FREM1: variants seen among roughly 807,000 people sequenced by gnomAD.
FREM1 encodes the protein FRAS1-related extracellular matrix protein 1.
Under a neutral mutation model 210.1 loss-of-function variants are expected in FREM1, and 220 were observed. That is an observed-to-expected ratio of 1.05 (90% CI 0.94 to 1.17). FREM1 has a LOEUF of 1.17. FREM1 is among the 50% of genes most tolerant of loss of function. The pLI is 0.00. For missense variants in FREM1, 3,454 were observed against 2,675.5 expected, an observed-to-expected ratio of 1.29 and a Z score of -6.42; for synonymous variants, 1,189 against 980.2, an observed-to-expected ratio of 1.21 and a Z score of -3.98.
chr9:14,817,304 G>A (rs10961728), intron 14 of FREM1, among the ~76,000 whole-genome samples: 31,557 of 152,054 alleles, frequency 0.21, 3,604 homozygotes, highest in Middle Eastern at 0.29. Context: ...TAATCCTTCC[G>A]CCTGTGCTCT....
Position 14,759,828 on chromosome 9 carries a change from G to A in FREM1, c.5278C>T (p.Pro1760Ser). ...YEVCENVGLL[P>S]LEIIRRGYSM... ...TATCCCCTTCTGATAATTTCCAAGG[G>A]CAACAAACCCACATTCTCACAGACT... The change falls in exon 28 of 37, where the codon CCC becomes TCC. Residue 1760 changes from proline to serine, a missense_variant. By Grantham distance (74) the Pro-to-Ser change is moderately conservative. Coordinates refer to ENST00000380880, the MANE Select transcript of FREM1 (RefSeq NM_001379081.2). 2 of 1,612,458 alleles carry A rather than the reference G, an allele frequency of 1.2e-6. No individual in the cohort carries two copies.
At chr9:14,752,006 T>C (rs1362407785) in intron 29 of FREM1, among the ~76,000 whole-genome samples, 2 of 150,252 alleles carry the variant, frequency 1.3e-5, no homozygotes, top group East Asian at 1.9e-4. Context: ...GCATCTAGTA[T>C]GTATAATAAT....
At chr9:14,835,416 A>G (rs983918156) in intron 10 of FREM1, among the ~76,000 whole-genome samples, 1 of 152,210 alleles carries the variant, frequency 6.6e-6, no homozygotes, top group Admixed American at 6.5e-5. Flanking sequence ...CAGTTGGAAA[A>G]CTGGTTATTT....
chr9:14,878,955 A>G (rs950715306), intron 1 of FREM1, among the ~76,000 whole-genome samples: 4 of 152,164 alleles, frequency 2.6e-5, no homozygotes, highest in Non-Finnish European at 5.9e-5. Context: ...CAGGAGTTCG[A>G]GAACAGCCTG....
chr9:14,884,425 T>A (rs7037987), intron 1 of FREM1, among the ~76,000 whole-genome samples: 5,422 of 152,202 alleles, frequency 0.036, 329 homozygotes, highest in African/African-American at 0.12. Context: ...AGTATATCTG[T>A]ATAAGCCAAT....
chr9:14,843,364 T>G (rs1036586087), intron 8 of FREM1, among the ~76,000 whole-genome samples: 1 of 152,206 alleles, frequency 6.6e-6, no homozygotes, highest in African/African-American at 2.4e-5. Flanking sequence ...TCAGCTTCCC[T>G]GGTTCTCGGG....
chr9:14,742,330 C>T lies in FREM1; in HGVS notation c.6255-2096G>A, dbSNP rs531794536. On this transcript the variant is annotated intron_variant, in intron 35 of 36. Transcript: ENST00000380880. ...CCAGCAGGGGTTCCAGACACTCCTG[C>T]GGGAAAACAAAATGGCTTCATAGAT... is the stretch of plus-strand genomic sequence containing the variant. Among the ~76,000 whole-genome samples, 289 of 152,044 alleles carry T rather than the reference C, an allele frequency of 1.9e-3. 1 individual carries two copies. The highest frequency in any genetic ancestry group is 3.1e-3 in the Non-Finnish European group (212 of 67,962).
intron 24 of FREM1, among the ~76,000 whole-genome samples, chr9:14,780,508 C>G (rs934554668): frequency 6.7e-6 from 1 of 149,878 alleles, no homozygotes; most frequent in African/African-American, 2.4e-5. Flanking sequence ...ACCCGGCTGC[C>G]AGCAGCTGAA....
intron 2 of FREM1, among the ~76,000 whole-genome samples, chr9:14,865,960 T>C (rs910489265): frequency 9.9e-5 from 15 of 152,210 alleles, no homozygotes; most frequent in Admixed American, 3.9e-4. Context: ...AAACTCCATA[T>C]TTTAATGAAC....
intron 2 of FREM1, among the ~76,000 whole-genome samples, chr9:14,864,527 A>T (rs1292517713): frequency 1.3e-5 from 2 of 152,256 alleles, no homozygotes; most frequent in Non-Finnish European, 2.9e-5. Context: ...GCAGATGAGA[A>T]AAACAGAAAT....
Position 14,750,127 on chromosome 9 carries a change from C to A in FREM1, c.5557G>T (p.Gly1853Ter), listed in dbSNP as rs779919905. 2 of 1,613,588 alleles carry A rather than the reference C, an allele frequency of 1.2e-6. No individual in the cohort carries two copies. Among genetic ancestry groups the A allele is most frequent in the South Asian group, 1.1e-5 (1 of 90,980 alleles). The change falls in exon 30 of 37, where the codon GGA becomes TGA. Residue 1853 changes from glycine to a stop codon, truncating the protein, a stop_gained and splice_region_variant. Coordinates refer to ENST00000380880, the MANE Select transcript of FREM1 (RefSeq NM_001379081.2). LOFTEE classifies it high-confidence loss of function. ...AAVKILDSKG[G>*]QCHPSYSSNQ... ...TTCAAGATGAGGATCAAAAGAATAC[C>A]TCCTTTTGAGTCCAAAATTTTCACT...
intron 10 of FREM1, among the ~76,000 whole-genome samples, chr9:14,826,701 A>T (rs1318547585): frequency 6.6e-6 from 1 of 152,200 alleles, no homozygotes; most frequent in Non-Finnish European, 1.5e-5. Flanking sequence ...TGATTGGACC[A>T]TGAGGTTGAA....
chr9:14,851,194 G>A (rs1827674844), intron 6 of FREM1, 90 bp downstream of exon 6: 1 of 919,242 alleles, frequency 1.1e-6, no homozygotes, highest in African/African-American at 1.7e-5. Context: ...GGCAATGAAT[G>A]TACAAAGGAA....
chr9:14,822,964 T>C (rs1230104304), intron 13 of FREM1, among the ~76,000 whole-genome samples, 196 bp downstream of exon 13: 20 of 152,214 alleles, frequency 1.3e-4, no homozygotes, highest in Admixed American at 1.3e-3. Context: ...TCTCACCTTT[T>C]ACATAGAAAG....
At chr9:14,744,604 T>A (rs1345177804) in intron 35 of FREM1, among the ~76,000 whole-genome samples, 3 of 152,184 alleles carry the variant, frequency 2.0e-5, no homozygotes, top group Non-Finnish European at 4.4e-5. Flanking sequence ...TTATCAAAAA[T>A]TTATTCTCTT....
At chr9:14,844,117 T>C (rs980720757) in intron 8 of FREM1, among the ~76,000 whole-genome samples, 1 of 152,178 alleles carries the variant, frequency 6.6e-6, no homozygotes, top group East Asian at 1.9e-4. Flanking sequence ...CTATTTTGTG[T>C]CTCCTCTGAA....
At chr9:14,871,102 C>T (rs1832588820) in intron 1 of FREM1, among the ~76,000 whole-genome samples, 1 of 152,088 alleles carries the variant, frequency 6.6e-6, no homozygotes, top group Non-Finnish European at 1.5e-5. Flanking sequence ...GTGAATGGAG[C>T]TGCAATAAAC....
At chr9:14,870,937 G>C (rs1464125703) in intron 1 of FREM1, among the ~76,000 whole-genome samples, 1 of 151,576 alleles carries the variant, frequency 6.6e-6, no homozygotes, top group Non-Finnish European at 1.5e-5. Flanking sequence ...AGTTTACTGA[G>C]AATGATGATT....
In FREM1 at chr9:14,750,135, G is replaced by A. The variant is rs1843100392; in HGVS notation, c.5549C>T (p.Ser1850Leu). 6.2e-7 allele frequency: 1 copy of A among 1,613,590 alleles called. No homozygotes were observed. The highest frequency in any genetic ancestry group is 8.5e-7 in the Non-Finnish European group (1 of 1,179,792). ...GAGGATCAAAAGAATACCTCCTTTT[G>A]AGTCCAAAATTTTCACTGCAGCTTT... ...KTKAAVKILD[S>L]KGGQCHPSYS... The change falls in exon 30 of 37, where the codon TCA becomes TTA. Residue 1850 changes from serine to leucine, a missense_variant. Physicochemically the swap from Ser to Leu is moderately radical, Grantham distance 145. Transcript: ENST00000380880.
Sources: gnomAD v4.1 joint callset for allele counts (sites outside exome capture counted in the v4.1 genomes callset) on GRCh38, gnomAD v4.1.1 for gene constraint, MANE v1.5 for transcripts, NCBI Gene and HGNC (gene_info 2026-07-23, HGNC 2026-07-21) for gene names.